The following STON2 variants were observed in gnomAD, a reference collection of about 807,000 sequenced individuals.
STON2 encodes the protein stonin 2, also known as stonin-2.
STON2 carries 29 observed loss-of-function variants against 65.7 expected under a neutral mutation model. The observed-to-expected ratio is 0.44, with a 90% CI of 0.33 to 0.60. The LOEUF is 0.60. STON2 is among the 20% of genes least tolerant of loss of function. The pLI, the probability that STON2 is intolerant of heterozygous loss-of-function variation, is 0.03. For synonymous variants in STON2, 404 were observed against 414.2 expected (o/e 0.98, Z 0.30); for missense variants, 1,054 against 1,118.1 (o/e 0.94, Z 0.82).
At chr14:81,309,748 T>C (rs556352117) in intron 5 of STON2, among the ~76,000 whole-genome samples, 110 of 152,344 alleles carry the variant, frequency 7.2e-4, no homozygotes, top group Non-Finnish European at 1.1e-3. Context: ...TCTGTCATCA[T>C]TGCCTCTTCC....
intron 1 of STON2, among the ~76,000 whole-genome samples, chr14:81,428,772 G>A (rs375964452): frequency 9.3e-4 from 142 of 152,212 alleles, no homozygotes; most frequent in African/African-American, 2.8e-3. Context: ...AATGTTTTCC[G>A]TTTCTAAGGC....
intron 4 of STON2, among the ~76,000 whole-genome samples, chr14:81,355,051 A>T (rs913710469): frequency 5.9e-5 from 9 of 152,278 alleles, no homozygotes; most frequent in Admixed American, 5.2e-4. Context: ...AGAAAGAATG[A>T]GTGAGCTCAA....
At chr14:81,343,827 T>C (rs182138651) in intron 4 of STON2, among the ~76,000 whole-genome samples, 1 of 151,928 alleles carries the variant, frequency 6.6e-6, no homozygotes, top group Non-Finnish European at 1.5e-5. Flanking sequence ...TTGTCATCAT[T>C]ATTATTATTA....
At chr14:81,298,552 C>G (rs1422136327) in intron 5 of STON2, among the ~76,000 whole-genome samples, 1 of 152,054 alleles carries the variant, frequency 6.6e-6, no homozygotes, top group Non-Finnish European at 1.5e-5. Context: ...CTATATACCT[C>G]TGTCATGACA....
At position 81,277,004 on chromosome 14, in the gene STON2, A is replaced by G; in HGVS notation, c.2478T>C (p.Ser826=). The G allele has an allele frequency of 1.2e-6, 2 of 1,614,234 alleles. No homozygotes were observed. The highest frequency in any genetic ancestry group is 3.3e-5 in the Admixed American group (2 of 60,032). Residue 826 remains serine (S), a synonymous_variant, in exon 6 of 8, where the codon TCT becomes TCC. Transcript: ENST00000614646. The part of the protein sequence containing the change: ...RGASFGSTSV[S]GSEPVMRVTL... ...TTACTCTCATGACAGGCTCAGAGCC[A>G]GAAACACTAGTGGAGCCAAAACTTG...
chr14:81,308,171 C>G (rs912881599), intron 5 of STON2, among the ~76,000 whole-genome samples: 2 of 152,160 alleles, frequency 1.3e-5, no homozygotes, highest in Non-Finnish European at 2.9e-5. Flanking sequence ...CTTACCTGCT[C>G]TGGATTTATG....
At chr14:81,421,047 G>C (rs1414491592) in intron 2 of STON2, among the ~76,000 whole-genome samples, 1 of 152,180 alleles carries the variant, frequency 6.6e-6, no homozygotes, top group Non-Finnish European at 1.5e-5. Context: ...TCATGTTCAA[G>C]GATGGCCTGA....
At chr14:81,284,486 G>C (rs895948147) in intron 5 of STON2, among the ~76,000 whole-genome samples, 1 of 152,206 alleles carries the variant, frequency 6.6e-6, no homozygotes. Context: ...GGAAAGAGGT[G>C]AGGAAATTGC....
chr14:81,327,461 C>T (rs921304882), intron 4 of STON2, among the ~76,000 whole-genome samples: 3 of 152,040 alleles, frequency 2.0e-5, no homozygotes, highest in African/African-American at 2.4e-5. Context: ...GAAGTTTGAT[C>T]GCATTTAGAT....
At chr14:81,387,720 C>G (rs1229408681) in intron 3 of STON2, among the ~76,000 whole-genome samples, 1 of 151,172 alleles carries the variant, frequency 6.6e-6, no homozygotes, top group African/African-American at 2.4e-5. Flanking sequence ...TGGTAAAACC[C>G]ATCTCTACTA....
intron 4 of STON2, among the ~76,000 whole-genome samples, chr14:81,342,669 C>T (rs1313947080): frequency 6.6e-6 from 1 of 152,106 alleles, no homozygotes; most frequent in South Asian, 2.1e-4. Context: ...GCATGGTCCA[C>T]GCTTAGGTGC....
intron 5 of STON2, among the ~76,000 whole-genome samples, chr14:81,309,775 T>G (rs554420843): frequency 6.6e-6 from 1 of 152,232 alleles, no homozygotes; most frequent in African/African-American, 2.4e-5. Flanking sequence ...TAGGCAGGCA[T>G]GTATTTCCTG....
intron 4 of STON2, among the ~76,000 whole-genome samples, chr14:81,350,446 C>A (rs1456418112): frequency 6.6e-6 from 1 of 150,864 alleles, no homozygotes; most frequent in Non-Finnish European, 1.5e-5. Context: ...GAATTGAAAC[C>A]TTAAGAAAGG....
At chr14:81,382,800 C>T (rs537753862) in intron 3 of STON2, among the ~76,000 whole-genome samples, 6 of 152,270 alleles carry the variant, frequency 3.9e-5, no homozygotes, top group African/African-American at 1.4e-4. Flanking sequence ...TGCACATCGG[C>T]TCCTTACATT....
intron 4 of STON2, among the ~76,000 whole-genome samples, chr14:81,339,960 C>T (rs1897530344): frequency 6.6e-6 from 1 of 152,106 alleles, no homozygotes; most frequent in Admixed American, 6.5e-5. Flanking sequence ...CAAGACCATC[C>T]TGGCTAACAC....
intron 7 of STON2, among the ~76,000 whole-genome samples, chr14:81,269,115 C>T (rs962842928): frequency 1.7e-4 from 26 of 152,190 alleles, no homozygotes; most frequent in Admixed American, 1.7e-3. Context: ...AAGTGATTCT[C>T]CTGCCTCATC....
At chr14:81,303,277 G>A (rs1896041587) in intron 5 of STON2, among the ~76,000 whole-genome samples, 1 of 152,154 alleles carries the variant, frequency 6.6e-6, no homozygotes, top group Non-Finnish European at 1.5e-5. Flanking sequence ...CTTTTACTCT[G>A]CTTTTAGTCA....
chr14:81,351,584 G>A (rs569696842), intron 4 of STON2, among the ~76,000 whole-genome samples: 1 of 152,334 alleles, frequency 6.6e-6, no homozygotes, highest in African/African-American at 2.4e-5. Context: ...GATAAAAATG[G>A]AGTTATTAAG....
In STON2 at chr14:81,264,731, G is replaced by A; in HGVS notation, c.*3683C>T. On this transcript the variant is annotated 3_prime_UTR_variant, in exon 8 of 8. Coordinates refer to ENST00000614646, the MANE Select transcript of STON2 (RefSeq NM_001394390.1). ...AATAATGCAGGAAGGCACAGTAAGG[G>A]AAGAGCCAAATAGAAAAAATGAAAC... 1.0e-6 allele frequency: 1 copy of A among 985,358 alleles called. No individual in the cohort carries two copies. Among genetic ancestry groups the A allele is most frequent in the South Asian group, 4.7e-5 (1 of 21,290 alleles). The allele number at this position is 985,358 out of a possible 1,614,324, so 61.0% of individuals were successfully genotyped here.
Sources: gnomAD v4.1 joint callset for allele counts (sites outside exome capture counted in the v4.1 genomes callset) on GRCh38, gnomAD v4.1.1 for gene constraint, MANE v1.5 for transcripts, NCBI Gene and HGNC (gene_info 2026-07-23, HGNC 2026-07-21) for gene names.